RIMS3: variants seen among roughly 807,000 people sequenced by gnomAD.
RIMS3 encodes regulating synaptic membrane exocytosis 3.
RIMS3 carries 15 observed loss-of-function variants against 29.2 expected under a neutral mutation model. The observed-to-expected ratio is 0.51, with a 90% CI of 0.34 to 0.79. The LOEUF (loss-of-function observed/expected upper bound fraction) is 0.79, where lower values mean the gene tolerates loss of function less well. Among genes scored for constraint, RIMS3 ranks in the 30% least tolerant of loss-of-function variants. The pLI is 0.01. For missense variants in RIMS3, 342 were observed against 421.4 expected (o/e 0.81, Z 1.65); for synonymous variants, 161 against 170.1 (o/e 0.95, Z 0.41).
At chr1:40,672,816 A>C in the RIMS3 span, among the ~76,000 whole-genome samples, 1 of 147,328 alleles carries the variant, frequency 6.8e-6, no homozygotes, top group South Asian at 2.4e-4. Flanking sequence ...CAGTAAACTG[A>C]TTGTATCACT....
At position 40,664,259 on chromosome 1, in the gene RIMS3, C is replaced by T. The variant is rs1482698823; in HGVS notation, c.-207+1135G>A. On this transcript the variant is annotated intron_variant, in intron 1 of 7. Transcript: ENST00000372684. Reference sequence around the variant, plus strand: ...CCTGCCAACCCACCCACCCCGCCTCCCAACCAAGAATGCCCCATTAGGCTA... The same window carrying T: ...CCTGCCAACCCACCCACCCCGCCTCTCAACCAAGAATGCCCCATTAGGCTA... Among the ~76,000 whole-genome samples, 4 of 152,074 alleles carry T rather than the reference C, an allele frequency of 2.6e-5. No homozygotes were observed. In the South Asian group the frequency reaches 6.2e-4, roughly 24 times the overall value.
At chr1:40,657,524 T>C (rs772848463) in intron 1 of RIMS3, among the ~76,000 whole-genome samples, 4 of 152,010 alleles carry the variant, frequency 2.6e-5, no homozygotes, top group Non-Finnish European at 4.4e-5. Context: ...GATGGGAGGA[T>C]TGCTTGAGCC....
chr1:40,684,500 A>C, the RIMS3 span, among the ~76,000 whole-genome samples: 1 of 152,228 alleles, frequency 6.6e-6, no homozygotes, highest in East Asian at 1.9e-4. Flanking sequence ...TGTTTTAGCA[A>C]GGTTTCCTAG....
Position 40,655,999 on chromosome 1 carries a change from A to G in RIMS3, c.-206-8157T>C, listed in dbSNP as rs138965402. On this transcript the variant is annotated intron_variant, in intron 1 of 7. Coordinates refer to ENST00000372684, the MANE Select transcript of RIMS3 (RefSeq NM_014747.3). The stretch of plus-strand genomic sequence containing the variant: ...CTGCACTCCAGCCTGGGCGACAGAG[A>G]CTCCGTCTCAAAAAACAAACAAACA... Among the ~76,000 whole-genome samples the G allele has an allele frequency of 5.3e-5, 8 of 151,608 alleles. No individual in the cohort carries two copies. The East Asian group carries it at 1.6e-3, about 29-fold the overall frequency.
At chr1:40,626,781 T>C in intron 7 of RIMS3, 52 bp from the exon 8 acceptor site, 4 of 1,555,854 alleles carry the variant, frequency 2.6e-6, no homozygotes, top group Middle Eastern at 3.4e-4. Context: ...ACTCCAGGAC[T>C]GTGCAGCAGG....
chr1:40,648,871 G>C (rs1557678913), intron 1 of RIMS3, among the ~76,000 whole-genome samples: 1 of 152,192 alleles, frequency 6.6e-6, no homozygotes, highest in Non-Finnish European at 1.5e-5. Context: ...GCTGGGTCTG[G>C]CATCTAAGAC....
chr1:40,673,088 G>A, the RIMS3 span, among the ~76,000 whole-genome samples: 1 of 151,874 alleles, frequency 6.6e-6, no homozygotes, highest in Non-Finnish European at 1.5e-5. Context: ...GCTGAAGCAA[G>A]AGAATTGCTT....
chr1:40,624,871 C>T lies in RIMS3; in HGVS notation c.*1646G>A, dbSNP rs1646443942. The T allele has an allele frequency of 6.5e-6, 1 of 152,680 alleles. No individual in the cohort carries two copies. Among genetic ancestry groups the T allele is most frequent in the Non-Finnish European group, 1.5e-5 (1 of 68,074 alleles). 9.5% of individuals were successfully genotyped at this position (152,680 alleles called of 1,614,324 possible). On this transcript the variant is annotated 3_prime_UTR_variant, in exon 8 of 8. Coordinates refer to ENST00000372684, the MANE Select transcript of RIMS3 (RefSeq NM_014747.3). The stretch of plus-strand genomic sequence containing the variant: ...TACTGCTACCCCAGGTAGCGTACCC[C>T]TGCCTCAGGTGCTGGGGCCACAGCC...
intron 6 of RIMS3, 65 bp downstream of exon 6, chr1:40,629,206 C>T: frequency 1.4e-6 from 2 of 1,397,008 alleles, no homozygotes; most frequent in South Asian, 2.3e-5. Context: ...AGCTGAGGAC[C>T]TGCTAGACCC....
chr1:40,676,574 C>T, the RIMS3 span, among the ~76,000 whole-genome samples: 1 of 152,164 alleles, frequency 6.6e-6, no homozygotes, highest in Non-Finnish European at 1.5e-5. Context: ...CCTACGTACC[C>T]CCTTAATACT....
chr1:40,662,117 C>A (rs1395738221), intron 1 of RIMS3, among the ~76,000 whole-genome samples: 1 of 152,166 alleles, frequency 6.6e-6, no homozygotes, highest in Non-Finnish European at 1.5e-5. Context: ...GCCTTTTCTG[C>A]TTAAAACCCT....
At chr1:40,641,525 G>T (rs1219913901) in intron 3 of RIMS3, among the ~76,000 whole-genome samples, 184 bp downstream of exon 3, 4 of 152,232 alleles carry the variant, frequency 2.6e-5, no homozygotes, top group Non-Finnish European at 5.9e-5. Context: ...GCCTCATAGA[G>T]CTCCATGGAG....
In RIMS3 at chr1:40,621,383, A is replaced by G. The variant is rs549539944; in HGVS notation, c.*5134T>C. 30 of 152,380 alleles carry G rather than the reference A, an allele frequency of 2.0e-4. No individual in the cohort carries two copies. The highest frequency in any genetic ancestry group is 7.2e-4 in the African/African-American group (30 of 41,580). 9.4% of individuals were successfully genotyped at this position (152,380 alleles called of 1,614,324 possible). ...TACACAAGAATAAAAGAGGGAGGAC[A>G]AACCACGAAGAGAGGAAAGCAGAGT... On this transcript the variant is annotated 3_prime_UTR_variant, in exon 8 of 8. Transcript: ENST00000372684.
At chr1:40,639,671 C>T (rs561071065) in intron 3 of RIMS3, among the ~76,000 whole-genome samples, 5 of 152,104 alleles carry the variant, frequency 3.3e-5, no homozygotes, top group African/African-American at 7.2e-5. Context: ...CTTAGTCACC[C>T]GGCTAGTAAA....
At chr1:40,642,277 T>A (rs953744227) in intron 2 of RIMS3, among the ~76,000 whole-genome samples, 6 of 152,164 alleles carry the variant, frequency 3.9e-5, no homozygotes, top group African/African-American at 1.4e-4. Context: ...CAAACAAACA[T>A]CCTGAGGTTT....
At chr1:40,686,769 T>G in the RIMS3 span, among the ~76,000 whole-genome samples, 1 of 152,248 alleles carries the variant, frequency 6.6e-6, no homozygotes, top group Non-Finnish European at 1.5e-5. Context: ...AGCATTTGTA[T>G]CCTCTTTCCT....
rs151256641 is a variant in RIMS3, at chr1:40,654,151, TCCCGCCCCTCCCCCTC to T, written c.-206-6325_-206-6310del. Reference sequence around the variant, plus strand: ...GCCCTCCCATCTCCTCCCCTCCCCTTCCCGCCCCTCCCCCTCCCCGCCCCTCCCCCGCGCCGCTGAC... The same window carrying T: ...GCCCTCCCATCTCCTCCCCTCCCCTTCCCGCCCCTCCCCCGCGCCGCTGAC... On this transcript the variant is annotated intron_variant, in intron 1 of 7. Coordinates refer to ENST00000372684, the MANE Select transcript of RIMS3 (RefSeq NM_014747.3). The surrounding 1 kb of genome is among the most constrained non-coding windows in gnomAD (Gnocchi z 5.3). 2.1e-3 allele frequency among the ~76,000 whole-genome samples: 297 copies of T among 141,150 alleles called. 6 individuals are homozygous for T. Among genetic ancestry groups the T allele is most frequent in the East Asian group, 0.018 (75 of 4,174 alleles). 92.6% of individuals were successfully genotyped at this position (141,150 alleles called of 152,430 possible).
At chr1:40,676,734 C>T in the RIMS3 span, among the ~76,000 whole-genome samples, 1 of 152,174 alleles carries the variant, frequency 6.6e-6, no homozygotes, top group Non-Finnish European at 1.5e-5. Flanking sequence ...TGAGCCTGTG[C>T]CCTGCCTTCA....
At chr1:40,653,355 G>A (rs1193545556) in intron 1 of RIMS3, among the ~76,000 whole-genome samples, 1 of 152,176 alleles carries the variant, frequency 6.6e-6, no homozygotes, top group Non-Finnish European at 1.5e-5. Context: ...AAGAGTAGGA[G>A]AGGAACTCAC....
Sources: allele counts gnomAD v4.1 joint callset (sites outside exome capture counted in the v4.1 genomes callset), GRCh38; gene constraint gnomAD v4.1.1; non-coding constraint Gnocchi (gnomAD v3.1); transcripts MANE v1.5; gene names NCBI Gene and HGNC (gene_info 2026-07-23, HGNC 2026-07-21).